Variants in SDHAF3 observed in about 807,000 individuals in gnomAD.
SDHAF3 encodes succinate dehydrogenase complex assembly factor 3, also known as succinate dehydrogenase assembly factor 3, mitochondrial.
Under a neutral mutation model 11.5 loss-of-function variants are expected in SDHAF3, and 18 were observed. That is an observed-to-expected ratio of 1.56 (90% confidence interval 1.08 to 2.32). The LOEUF (loss-of-function observed/expected upper bound fraction) is 2.32. Ranked by LOEUF, SDHAF3 falls within the 30% of genes most tolerant of loss-of-function variation. SDHAF3 has a pLI of 0.00. For synonymous variants in SDHAF3, 72 were observed against 59.3 expected, an observed-to-expected ratio of 1.21 and a Z score of -0.99; for missense variants, 200 against 154.4, an observed-to-expected ratio of 1.30 and a Z score of -1.57.
intron 1 of SDHAF3, among the ~76,000 whole-genome samples, chr7:97,173,282 T>C (rs1050500434): frequency 6.6e-6 from 1 of 152,218 alleles, no homozygotes; most frequent in African/African-American, 2.4e-5. Context: ...CATATGAATA[T>C]GTATATGCAT....
intron 1 of SDHAF3, among the ~76,000 whole-genome samples, chr7:97,131,004 G>A (rs1011146003): frequency 6.6e-6 from 1 of 152,178 alleles, no homozygotes; most frequent in African/African-American, 2.4e-5. Context: ...GCTGTTTTTG[G>A]CTTGAAAGTC....
intron 1 of SDHAF3, 51 bp downstream of exon 1, chr7:97,117,948 T>C (rs1168927667): frequency 3.1e-6 from 5 of 1,592,220 alleles, no homozygotes; most frequent in South Asian, 1.1e-5. Context: ...TTCCTCGGTG[T>C]CCAGGTTTCT....
intron 1 of SDHAF3, among the ~76,000 whole-genome samples, chr7:97,174,341 C>G (rs1257305881): frequency 6.6e-6 from 1 of 152,214 alleles, no homozygotes; most frequent in African/African-American, 2.4e-5. Context: ...TACAGATTCC[C>G]TATACCTTTC....
intron 1 of SDHAF3, among the ~76,000 whole-genome samples, chr7:97,160,148 G>T (rs561779469): frequency 7.7e-6 from 1 of 130,390 alleles, no homozygotes; most frequent in Admixed American, 8.0e-5. Context: ...CGGCCGCCCC[G>T]TCTGGGAGGT....
chr7:97,123,216 A>G (rs897164684), intron 1 of SDHAF3, among the ~76,000 whole-genome samples: 15 of 152,090 alleles, frequency 9.9e-5, no homozygotes, highest in African/African-American at 2.4e-4. Context: ...TCATTGTTCA[A>G]TTCCCACTTA....
At position 97,117,800 on chromosome 7, in the gene SDHAF3, A is replaced by G; in HGVS notation, c.77A>G (p.Asp26Gly). The change falls in exon 1 of 2, where the codon GAC becomes GGC. Residue 26 changes from aspartate (D) to glycine (G), a missense_variant. Physicochemically the swap from Asp to Gly is moderately conservative, Grantham distance 94 (BLOSUM62 -1). Coordinates refer to ENST00000432641, the MANE Select transcript of SDHAF3 (RefSeq NM_020186.3). The part of the protein sequence containing the change: ...VLQLHRVLPP[D>G]LKSLGDQYVK... ...CAGCTGCACCGTGTTCTGCCCCCGG[A>G]CCTCAAATCCCTGGGCGACCAGTAC... 1 of 1,614,126 alleles carries G rather than the reference A, an allele frequency of 6.2e-7. No homozygotes were observed.
chr7:97,151,724 C>T (rs1789227118), intron 1 of SDHAF3, among the ~76,000 whole-genome samples: 1 of 152,140 alleles, frequency 6.6e-6, no homozygotes, highest in Non-Finnish European at 1.5e-5. Flanking sequence ...TGGTCCCAAT[C>T]TTCTGACCTC....
At chr7:97,138,893 A>G (rs1193766362) in intron 1 of SDHAF3, among the ~76,000 whole-genome samples, 1 of 152,120 alleles carries the variant, frequency 6.6e-6, no homozygotes, top group African/African-American at 2.4e-5. Context: ...GGAGGCGCCT[A>G]CCCACTAGGT....
intron 1 of SDHAF3, among the ~76,000 whole-genome samples, chr7:97,118,300 G>A (rs1297181979): frequency 6.6e-6 from 1 of 152,222 alleles, no homozygotes; most frequent in Non-Finnish European, 1.5e-5. Context: ...GCTTATTTCC[G>A]TAATTTATTA....
intron 1 of SDHAF3, among the ~76,000 whole-genome samples, chr7:97,139,217 A>G (rs939826861): frequency 2.6e-5 from 4 of 152,302 alleles, no homozygotes; most frequent in South Asian, 2.1e-4. Flanking sequence ...GAAGGGTGAG[A>G]AGGGCAGAGA....
chr7:97,176,290 T>A (rs1287192239), intron 1 of SDHAF3, among the ~76,000 whole-genome samples: 2 of 152,166 alleles, frequency 1.3e-5, no homozygotes, highest in East Asian at 3.9e-4. Context: ...TAACTTACCC[T>A]GAGGAAGCAC....
intron 1 of SDHAF3, among the ~76,000 whole-genome samples, chr7:97,123,199 T>C (rs374408363): frequency 6.6e-6 from 1 of 152,002 alleles, no homozygotes; most frequent in African/African-American, 2.4e-5. Flanking sequence ...CCTGTGTCCA[T>C]GTGTTCTCAT....
At chr7:97,132,722 GTCT>G (rs757982261) in intron 1 of SDHAF3, among the ~76,000 whole-genome samples, 1 of 152,118 alleles carries the variant, frequency 6.6e-6, no homozygotes, top group Non-Finnish European at 1.5e-5. Context: ...CTGTTGGTTT[GTCT>G]TCTTCTGACA....
chr7:97,140,747 G>T (rs942343349), intron 1 of SDHAF3, among the ~76,000 whole-genome samples: 2 of 151,780 alleles, frequency 1.3e-5, no homozygotes, highest in Admixed American at 1.3e-4. Context: ...AGCTGAGGAG[G>T]ATGTATGTCG....
At chr7:97,118,844 C>A (rs987640761) in intron 1 of SDHAF3, among the ~76,000 whole-genome samples, 1 of 152,178 alleles carries the variant, frequency 6.6e-6, no homozygotes, top group Middle Eastern at 3.4e-3. Context: ...TTCCAGAATT[C>A]TTTTTTGTAT....
At chr7:97,140,866 A>G (rs960188800) in intron 1 of SDHAF3, among the ~76,000 whole-genome samples, 4 of 152,248 alleles carry the variant, frequency 2.6e-5, no homozygotes, top group East Asian at 1.9e-4. Flanking sequence ...GATAACAGCA[A>G]TGTTCAGGGA....
intron 1 of SDHAF3, among the ~76,000 whole-genome samples, chr7:97,126,025 G>A (rs1050470086): frequency 4.6e-5 from 7 of 152,188 alleles, no homozygotes; most frequent in African/African-American, 7.2e-5. Context: ...TCATGTTGCT[G>A]CTTTCTGTTT....
chr7:97,173,832 G>A (rs1266291453), intron 1 of SDHAF3, among the ~76,000 whole-genome samples: 2 of 151,602 alleles, frequency 1.3e-5, no homozygotes, highest in Admixed American at 6.6e-5. Flanking sequence ...GATTACAGGC[G>A]TGAGCCACCA....
chr7:97,135,199 G>A (rs1190107087), intron 1 of SDHAF3: 1 of 151,976 alleles, frequency 6.6e-6, no homozygotes. Flanking sequence ...TTTGTTATCA[G>A]TAAGGGTACT....
Sources: allele counts gnomAD v4.1 joint callset (sites outside exome capture counted in the v4.1 genomes callset), GRCh38; gene constraint gnomAD v4.1.1; transcripts MANE v1.5; gene names NCBI Gene and HGNC (gene_info 2026-07-23, HGNC 2026-07-21).